Variants in TRAK1 observed in about 807,000 individuals in gnomAD.
TRAK1 encodes trafficking kinesin-binding protein 1.
A neutral mutation model predicts 92.1 loss-of-function variants in TRAK1; 33 were observed. That is an observed-to-expected ratio of 0.36 (90% confidence interval 0.27 to 0.48). The LOEUF is 0.48. TRAK1 is among the 20% of genes least tolerant of loss of function. TRAK1 has a pLI of 0.99. For synonymous variants in TRAK1, 521 were observed against 517.3 expected, an observed-to-expected ratio of 1.01 and a Z score of -0.10; for missense variants, 1,123 against 1,257.9, an observed-to-expected ratio of 0.89 and a Z score of 1.62.
chr3:42,101,711 C>T (rs1452505398), intron 1 of TRAK1, among the ~76,000 whole-genome samples: 1 of 152,202 alleles, frequency 6.6e-6, no homozygotes, highest in Non-Finnish European at 1.5e-5. Context: ...AAACACTTTT[C>T]TTTATGAAAA....
At chr3:42,172,255 C>T (rs1240719899) in intron 2 of TRAK1, among the ~76,000 whole-genome samples, 4 of 152,206 alleles carry the variant, frequency 2.6e-5, no homozygotes, top group Admixed American at 2.6e-4. Flanking sequence ...ACATCAACTA[C>T]TGTCCCAGTG....
intron 1 of TRAK1, among the ~76,000 whole-genome samples, chr3:42,023,452 C>T (rs1411056059): frequency 2.6e-5 from 4 of 152,068 alleles, no homozygotes; most frequent in Admixed American, 1.3e-4. Flanking sequence ...TAAACGTGTC[C>T]TAGGCCGTAT....
chr3:42,137,340 A>G (rs1375709330), intron 2 of TRAK1, among the ~76,000 whole-genome samples: 1 of 152,220 alleles, frequency 6.6e-6, no homozygotes, highest in East Asian at 1.9e-4. Flanking sequence ...ACTTACAAGC[A>G]ATTTGCCTGA....
intron 5 of TRAK1, among the ~76,000 whole-genome samples, chr3:42,188,757 C>G (rs775855308): frequency 2.6e-5 from 4 of 152,186 alleles, no homozygotes; most frequent in Non-Finnish European, 5.9e-5. Context: ...TCCCAGACAT[C>G]CTGGAATTGT....
At chr3:42,169,783 T>G (rs1702322348) in intron 2 of TRAK1, among the ~76,000 whole-genome samples, 1 of 152,156 alleles carries the variant, frequency 6.6e-6, no homozygotes, top group South Asian at 2.1e-4. Flanking sequence ...CATTTGAAGA[T>G]GTTCCCCTGA....
At chr3:42,020,005 A>C (rs1243690981) in intron 1 of TRAK1, among the ~76,000 whole-genome samples, 1 of 152,186 alleles carries the variant, frequency 6.6e-6, no homozygotes. Context: ...TCAGGGAGAG[A>C]GTGACTGAAG....
rs1344477090 is a variant in TRAK1 at position 42,091,686 on chromosome 3, T to A, written c.91+126T>A. ...CTGCTTGGGAGGTTGTTCATGGTCATGTGGTAGAGAAATTGCCATGTTGAA... is the reference window on the plus strand; with the variant it reads ...CTGCTTGGGAGGTTGTTCATGGTCAAGTGGTAGAGAAATTGCCATGTTGAA... On this transcript the variant is annotated intron_variant, in intron 1 of 15. Transcript: ENST00000327628. The A allele has an allele frequency of 5.7e-6, 5 of 872,406 alleles. No homozygotes were observed. In the East Asian group the frequency reaches 1.4e-4, roughly 25 times the overall value. 54.0% of individuals were successfully genotyped at this position (872,406 alleles called of 1,614,324 possible). A position where few individuals can be genotyped will look rare whatever the true frequency, so the allele number is the denominator to read the frequency against.
rs950768771 is a variant in TRAK1, at chr3:42,225,756, G to A, written c.*2019G>A. On this transcript the variant is annotated 3_prime_UTR_variant, in exon 16 of 16. Coordinates refer to ENST00000327628, the MANE Select transcript of TRAK1 (RefSeq NM_001042646.3). ...TCACTAATGAGTATCAATAAAATAA[G>A]TTCAAATGATGGAAACCACACTGGT... The A allele has an allele frequency of 5.3e-5, 8 of 152,298 alleles. No individual in the cohort carries two copies. The highest frequency in any genetic ancestry group is 1.7e-4 in the African/African-American group (7 of 41,556). 9.4% of individuals were successfully genotyped at this position (152,298 alleles called of 1,614,324 possible).
At chr3:42,053,334 GCACT>G (rs1367055377) in intron 1 of TRAK1, among the ~76,000 whole-genome samples, 1 of 123,728 alleles carries the variant, frequency 8.1e-6, no homozygotes, top group Non-Finnish European at 1.6e-5. Context: ...AGAAAAAAAG[GCACT>G]CAGAGAGAAA....
At chr3:42,061,865 A>G (rs1046224547) in intron 1 of TRAK1, among the ~76,000 whole-genome samples, 2 of 152,156 alleles carry the variant, frequency 1.3e-5, no homozygotes, top group African/African-American at 4.8e-5. Context: ...GGTCCAGGTT[A>G]TTTTGGAAAC....
intron 14 of TRAK1, chr3:42,218,551 A>G: frequency 1.0e-6 from 1 of 984,170 alleles, no homozygotes; most frequent in South Asian, 4.7e-5. Context: ...CTGATGCTTG[A>G]GTTATGAATG....
At chr3:42,115,367 C>T (rs1291351067) in intron 1 of TRAK1, among the ~76,000 whole-genome samples, 1 of 152,130 alleles carries the variant, frequency 6.6e-6, no homozygotes, top group Non-Finnish European at 1.5e-5. Context: ...AACAAACTGG[C>T]ATGCCCAAGT....
Position 42,223,405 on chromosome 3 carries a change from G to T in TRAK1, c.2530G>T (p.Val844Leu). The T allele has an allele frequency of 6.2e-7, 1 of 1,614,182 alleles. No individual in the cohort carries two copies. Among genetic ancestry groups the T allele is most frequent in the Non-Finnish European group, 8.5e-7 (1 of 1,180,036 alleles). The change falls in exon 16 of 16, where the codon GTG becomes TTG. Residue 844 changes from valine (V) to leucine (L), a missense_variant. Around this residue, in one of 3 missense-constraint regions of TRAK1, gnomAD observed 401 missense variants for 438.9 expected, o/e 0.91. Coordinates refer to ENST00000327628, the MANE Select transcript of TRAK1 (RefSeq NM_001042646.3). The surrounding 1 kb of genome is among the most constrained non-coding windows in gnomAD (Gnocchi z 6.1). ...TDVSVSNLNL[V>L]DKVRRFGVAK... ...CGTGTCCGTCTCCAACCTCAACCTCGTGGACAAAGTCAGGAGGTTTGGGGT... is the reference window on the plus strand; with the variant it reads ...CGTGTCCGTCTCCAACCTCAACCTCTTGGACAAAGTCAGGAGGTTTGGGGT...
intron 3 of TRAK1, among the ~76,000 whole-genome samples, chr3:42,177,868 A>G (rs1299387865): frequency 6.6e-6 from 1 of 152,154 alleles, no homozygotes; most frequent in East Asian, 1.9e-4. Flanking sequence ...GGGAAGTCAC[A>G]AACTCATCAG....
At chr3:42,173,743 C>T (rs772960915) in intron 2 of TRAK1, among the ~76,000 whole-genome samples, 1 of 152,188 alleles carries the variant, frequency 6.6e-6, no homozygotes, top group African/African-American at 2.4e-5. Flanking sequence ...CATCCAGATT[C>T]TTAATGTCTC....
chr3:42,171,215 A>G (rs549348722), intron 2 of TRAK1, among the ~76,000 whole-genome samples: 30 of 152,128 alleles, frequency 2.0e-4, no homozygotes, highest in Non-Finnish European at 3.4e-4. Flanking sequence ...ACATATGTAC[A>G]TGTGTGTGTA....
rs1489748987 is a variant in TRAK1, at chr3:42,174,684, G to A, written c.287-2130G>A. Among the ~76,000 whole-genome samples the A allele has an allele frequency of 4.8e-5, 7 of 147,064 alleles. No homozygotes were observed. The East Asian group carries it at 1.4e-3, about 29-fold the overall frequency. ...ATACACACAAAATTTTTATATATAT[G>A]CAAAATTATATATATACAAAAATAT... On this transcript the variant is annotated intron_variant, in intron 2 of 15. Transcript: ENST00000327628.
chr3:42,183,610 G>A (rs1377667924), intron 3 of TRAK1, among the ~76,000 whole-genome samples: 1 of 150,590 alleles, frequency 6.6e-6, no homozygotes, highest in Non-Finnish European at 1.5e-5. Flanking sequence ...TTATCCCTGT[G>A]AAGCAAAAGC....
At chr3:42,106,204 A>G (rs1390640324) in intron 1 of TRAK1, among the ~76,000 whole-genome samples, 2 of 152,232 alleles carry the variant, frequency 1.3e-5, no homozygotes, top group African/African-American at 4.8e-5. Context: ...TAAATGCCCC[A>G]ATTAAAAGAC....
Sources: gnomAD v4.1 joint callset for allele counts (sites outside exome capture counted in the v4.1 genomes callset) on GRCh38, gnomAD v4.1.1 for gene constraint, gnomAD v4.1.1 regional missense constraint, Gnocchi (gnomAD v3.1) non-coding constraint, MANE v1.5 for transcripts, NCBI Gene and HGNC (gene_info 2026-07-23, HGNC 2026-07-21) for gene names.